CHCHD6: variants seen among roughly 807,000 people sequenced by gnomAD.
CHCHD6 encodes MICOS complex subunit MIC25.
A neutral mutation model predicts 32.3 loss-of-function variants in CHCHD6; 28 were observed. The observed-to-expected ratio is 0.87, with a 90% CI of 0.64 to 1.19. CHCHD6 has a LOEUF of 1.19. CHCHD6 is among the 50% of genes most tolerant of loss of function. The probability of loss-of-function intolerance (pLI) is 0.00; values close to 1 mark genes in which losing one functional copy is unlikely to be tolerated. For synonymous variants in CHCHD6, 122 were observed against 117.5 expected (o/e 1.04, Z -0.25); for missense variants, 333 against 307.0 (o/e 1.08, Z -0.63).
intron 4 of CHCHD6, among the ~76,000 whole-genome samples, chr3:126,808,820 G>C (rs1939528995): frequency 1.3e-5 from 2 of 152,162 alleles, no homozygotes; most frequent in African/African-American, 4.8e-5. Context: ...CATTGTCCTG[G>C]TGGAGAAGGA....
At chr3:126,817,690 A>G (rs542841118) in intron 4 of CHCHD6, among the ~76,000 whole-genome samples, 1 of 152,286 alleles carries the variant, frequency 6.6e-6, no homozygotes, top group South Asian at 2.1e-4. Context: ...CTCCGTAGGT[A>G]GCACTCGAGG....
At chr3:126,814,587 C>T (rs1299830635) in intron 4 of CHCHD6, among the ~76,000 whole-genome samples, 1 of 152,148 alleles carries the variant, frequency 6.6e-6, no homozygotes, top group Non-Finnish European at 1.5e-5. Context: ...CCTAAGAGGA[C>T]AGACTTGGAG....
At chr3:126,758,699 G>C (rs1937056470) in intron 4 of CHCHD6, among the ~76,000 whole-genome samples, 1 of 152,194 alleles carries the variant, frequency 6.6e-6, no homozygotes, top group East Asian at 1.9e-4. Flanking sequence ...AAGGAGATGT[G>C]TGCAGTCTTT....
intron 4 of CHCHD6, among the ~76,000 whole-genome samples, chr3:126,750,137 A>T (rs767145330): frequency 2.6e-5 from 4 of 152,150 alleles, no homozygotes; most frequent in Non-Finnish European, 4.4e-5. Context: ...CGCAATTGGG[A>T]TAGCTGCTCA....
intron 4 of CHCHD6, among the ~76,000 whole-genome samples, chr3:126,815,022 C>G (rs1195955469): frequency 2.0e-5 from 3 of 152,070 alleles, no homozygotes; most frequent in African/African-American, 7.2e-5. Flanking sequence ...GGGAGAAATC[C>G]CTATATATTT....
intron 6 of CHCHD6, among the ~76,000 whole-genome samples, chr3:126,941,603 A>C (rs2078560476): frequency 6.6e-6 from 1 of 152,174 alleles, no homozygotes; most frequent in Non-Finnish European, 1.5e-5. Context: ...CAGTTCTATC[A>C]AATTGCCGTC....
At chr3:126,888,163 G>A (rs933748539) in intron 5 of CHCHD6, among the ~76,000 whole-genome samples, 1 of 152,176 alleles carries the variant, frequency 6.6e-6, no homozygotes, top group Non-Finnish European at 1.5e-5. Flanking sequence ...AGGAGGGAAG[G>A]CACACACAAG....
chr3:126,942,764 G>A (rs944270061), intron 6 of CHCHD6, among the ~76,000 whole-genome samples: 2 of 152,142 alleles, frequency 1.3e-5, no homozygotes, highest in Admixed American at 6.5e-5. Context: ...AGCTCCGGGT[G>A]TGCTCCCTGC....
intron 1 of CHCHD6, among the ~76,000 whole-genome samples, chr3:126,720,306 A>G (rs1935221868): frequency 6.6e-6 from 1 of 152,164 alleles, no homozygotes; most frequent in Non-Finnish European, 1.5e-5. Context: ...TGGTTGCCTC[A>G]TCCTCATCCA....
intron 4 of CHCHD6, among the ~76,000 whole-genome samples, chr3:126,750,094 C>T (rs1185837364): frequency 6.6e-6 from 1 of 152,198 alleles, no homozygotes; most frequent in East Asian, 1.9e-4. Context: ...GTCTTCTCTC[C>T]ATACCTGGGC....
chr3:126,791,904 C>A (rs1009265026), intron 4 of CHCHD6, among the ~76,000 whole-genome samples: 1 of 152,250 alleles, frequency 6.6e-6, no homozygotes, highest in South Asian at 2.1e-4. Context: ...AGCCACCATG[C>A]TGGCCTCTAC....
At chr3:126,734,282 T>C (rs749744640) in intron 4 of CHCHD6, among the ~76,000 whole-genome samples, 1 of 151,940 alleles carries the variant, frequency 6.6e-6, no homozygotes, top group Non-Finnish European at 1.5e-5. Context: ...AGCAAGGAAG[T>C]TGGGGGAGGG....
At chr3:126,738,998 G>A (rs1366219922) in intron 4 of CHCHD6, among the ~76,000 whole-genome samples, 1 of 152,142 alleles carries the variant, frequency 6.6e-6, no homozygotes, top group Non-Finnish European at 1.5e-5. Context: ...CTGATATCTG[G>A]GTCTAGCTGT....
rs961890745 is a variant in CHCHD6, at chr3:126,803,307, A to G, written c.412-49340A>G. Among the ~76,000 whole-genome samples the G allele has an allele frequency of 9.2e-5, 14 of 152,364 alleles. No individual in the cohort carries two copies. In the East Asian group the frequency reaches 2.7e-3, roughly 29 times the overall value. ...GAGTCAAGACCCATTGGTGTGCTGT[A>G]TTCAGGAAACCCATCTCACATGCAG... On this transcript the variant is annotated intron_variant, in intron 4 of 7. Transcript: ENST00000290913.
At chr3:126,896,707 G>A (rs776459324) in intron 5 of CHCHD6, among the ~76,000 whole-genome samples, 3 of 152,190 alleles carry the variant, frequency 2.0e-5, no homozygotes, top group Non-Finnish European at 4.4e-5. Flanking sequence ...ATGAGTTCAG[G>A]GGCTTCTCAT....
chr3:126,835,502 T>G, intron 4 of CHCHD6, among the ~76,000 whole-genome samples: 1 of 152,156 alleles, frequency 6.6e-6, no homozygotes, highest in East Asian at 1.9e-4. Context: ...GGGGATTCTC[T>G]GGGCATGGAA....
chr3:126,925,145 T>TTCTG (rs1193648515), intron 6 of CHCHD6, among the ~76,000 whole-genome samples: 1 of 152,216 alleles, frequency 6.6e-6, no homozygotes, highest in Non-Finnish European at 1.5e-5. Context: ...CTGCTCCTCA[T>TTCTG]TCTGTCCTGT....
At chr3:126,849,878 C>A (rs963690918) in intron 4 of CHCHD6, among the ~76,000 whole-genome samples, 4 of 152,232 alleles carry the variant, frequency 2.6e-5, no homozygotes, top group Admixed American at 2.6e-4. Context: ...GTGACGCACT[C>A]AGGCACTGAA....
chr3:126,716,038 T>C (rs1318476661), intron 1 of CHCHD6, among the ~76,000 whole-genome samples: 1 of 152,176 alleles, frequency 6.6e-6, no homozygotes, highest in Non-Finnish European at 1.5e-5. Flanking sequence ...TGATTTGCAC[T>C]GTTGTGGTGG....
Sources: gnomAD v4.1 joint callset for allele counts (sites outside exome capture counted in the v4.1 genomes callset) on GRCh38, gnomAD v4.1.1 for gene constraint, MANE v1.5 for transcripts, NCBI Gene and HGNC (gene_info 2026-07-23, HGNC 2026-07-21) for gene names.